Variants in BDH2 observed in about 807,000 individuals in gnomAD.
BDH2 encodes dehydrogenase/reductase SDR family member 6.
BDH2 carries 24 observed loss-of-function variants against 33.2 expected under a neutral mutation model. That is an observed-to-expected ratio of 0.72 (90% CI 0.52 to 1.02). The LOEUF (loss-of-function observed/expected upper bound fraction) is 1.02. BDH2 is among the 50% of genes least tolerant of loss of function. BDH2 has a pLI of 0.00. For missense variants in BDH2, 249 were observed against 301.6 expected (o/e 0.83, Z 1.29); for synonymous variants, 81 against 101.6 (o/e 0.80, Z 1.22).
At position 103,079,731 on chromosome 4, in the gene BDH2, C is replaced by G. The variant is rs1747416838; in HGVS notation, c.709G>C (p.Val237Leu). 9 of 1,613,984 alleles carry G rather than the reference C, an allele frequency of 5.6e-6. No homozygotes were observed. Among genetic ancestry groups the G allele is most frequent in the Middle Eastern group, 1.7e-4 (1 of 6,054 alleles). Reference sequence around the variant, plus strand: ...AAGCTCCAGCCTCCATCAATGATGACAGGGTTACCAGTTACATAAGCAGAC... The same window carrying G: ...AAGCTCCAGCCTCCATCAATGATGAGAGGGTTACCAGTTACATAAGCAGAC... ...DESAYVTGNP[V>L]IIDGGWSL Residue 237 changes from valine to leucine, a missense_variant, in exon 10 of 10, where the codon GTC becomes CTC. Transcript: ENST00000296424.
At chr4:103,081,168 T>C (rs1747507586) in intron 9 of BDH2, among the ~76,000 whole-genome samples, 1 of 152,212 alleles carries the variant, frequency 6.6e-6, no homozygotes. Context: ...TAAGCATCAT[T>C]TTTGCTTTCA....
At chr4:103,086,561 CAA>C (rs3832316) in intron 5 of BDH2, 21 bp from the exon 6 acceptor site, 4,863 of 1,308,404 alleles carry the variant, frequency 3.7e-3, no homozygotes, top group Admixed American at 6.4e-3. Flanking sequence ...AAAACAAATA[CAA>C]AAAAAAAAAA....
At chr4:103,097,892 A>C (rs1483725558) in intron 1 of BDH2, 1 of 152,192 alleles carries the variant, frequency 6.6e-6, no homozygotes, top group Non-Finnish European at 1.5e-5. Context: ...CCTTGCCTAA[A>C]GGGCTTATAT....
rs1385969422 is a variant in BDH2 at position 103,079,745 on chromosome 4, A to G, written c.695T>C (p.Val232Ala). ...VYLASDESAY[V>A]TGNPVIIDGG... ...ATCAATGATGACAGGGTTACCAGTT[A>G]CATAAGCAGACTGCAGTGATAAACA... The change falls in exon 10 of 10, where the codon GTA (valine) becomes GCA (alanine). Residue 232 changes from valine to alanine, a missense_variant. Physicochemically the swap from Val to Ala is moderately conservative, Grantham distance 64 (BLOSUM62 0). Transcript: ENST00000296424. 1.2e-6 allele frequency: 2 copies of G among 1,613,732 alleles called. No homozygotes were observed. Among genetic ancestry groups the G allele is most frequent in the Admixed American group, 3.3e-5 (2 of 60,028 alleles).
intron 1 of BDH2, among the ~76,000 whole-genome samples, chr4:103,096,847 T>G (rs1748434530): frequency 6.6e-6 from 1 of 152,106 alleles, no homozygotes; most frequent in South Asian, 2.1e-4. Flanking sequence ...AGCCCAGATA[T>G]TGCACTTTAA....
chr4:103,091,427 T>C, intron 4 of BDH2, 142 bp from the exon 5 acceptor site: 1 of 589,538 alleles, frequency 1.7e-6, no homozygotes, highest in South Asian at 2.1e-5. Context: ...ATAGTATCAC[T>C]TAGTATATTA....
intron 3 of BDH2, among the ~76,000 whole-genome samples, chr4:103,093,443 G>A (rs1218530844): frequency 6.6e-6 from 1 of 151,750 alleles, no homozygotes; most frequent in African/African-American, 2.4e-5. Flanking sequence ...CTGGCATGGC[G>A]GGCACCTGAG....
At chr4:103,085,544 C>G in intron 6 of BDH2, 82 bp from the exon 7 acceptor site, 1 of 1,439,690 alleles carries the variant, frequency 6.9e-7, no homozygotes, top group Non-Finnish European at 9.5e-7. Context: ...TAAGTTTTCC[C>G]AGTAGCCATT....
At chr4:103,093,151 T>C (rs973757503) in intron 3 of BDH2, among the ~76,000 whole-genome samples, 1 of 152,180 alleles carries the variant, frequency 6.6e-6, no homozygotes, top group African/African-American at 2.4e-5. Context: ...ATTCAAGATG[T>C]CCTTCCCCTA....
rs1416068362 is a variant in BDH2, at chr4:103,079,135, A to G, written c.*567T>C. ...GACATCCTAACCTGCAATATGATAC[A>G]TTAGGAGGTGGGGCCTTTGGGAGGT... On this transcript the variant is annotated 3_prime_UTR_variant, in exon 10 of 10. Coordinates refer to ENST00000296424, the MANE Select transcript of BDH2 (RefSeq NM_020139.4). Among the ~76,000 whole-genome samples the G allele has an allele frequency of 6.6e-6, 1 of 152,226 alleles. No homozygotes were observed. Among genetic ancestry groups the G allele is most frequent in the African/African-American group, 2.4e-5 (1 of 41,454 alleles).
chr4:103,091,374 T>A, intron 4 of BDH2, 89 bp from the exon 5 acceptor site: 1 of 773,492 alleles, frequency 1.3e-6, no homozygotes, highest in Non-Finnish European at 2.2e-6. Flanking sequence ...ACTTAGTGAC[T>A]TAGACCACTG....
At position 103,083,293 on chromosome 4, in the gene BDH2, A is replaced by C. The variant is rs1192604180; in HGVS notation, c.533-364T>G. ...TCCTCACAATAACCCTGAGATGTAG[A>C]TAAAATCGTACAAGCACTTTGCCAG... On this transcript the variant is annotated intron_variant, in intron 7 of 9. Transcript: ENST00000296424. 5.9e-5 allele frequency among the ~76,000 whole-genome samples: 9 copies of C among 152,322 alleles called. No individual in the cohort carries two copies. In the East Asian group the frequency reaches 1.7e-3, roughly 29 times the overall value.
intron 3 of BDH2, among the ~76,000 whole-genome samples, chr4:103,094,234 G>GAAATGAAATGTGCTGCAA (rs944835740): frequency 6.6e-6 from 1 of 152,180 alleles, no homozygotes; most frequent in African/African-American, 2.4e-5. Context: ...CAGCTAGTCT[G>GAAATGAAATGTGCTGCAA]AAATGAAATG....
intron 1 of BDH2, chr4:103,099,027 C>T (rs1308575348): frequency 1.3e-5 from 2 of 152,092 alleles, no homozygotes; most frequent in Non-Finnish European, 1.5e-5. Flanking sequence ...AAAAGATAAA[C>T]ATGGAATGTT....
At chr4:103,086,586 G>A in intron 5 of BDH2, 46 bp from the exon 6 acceptor site, 1 of 1,556,212 alleles carries the variant, frequency 6.4e-7, no homozygotes, top group Non-Finnish European at 8.7e-7. Flanking sequence ...CCACTTTGTG[G>A]GCTAAAATAC....
Position 103,082,127 on chromosome 4 carries a change from G to A in BDH2, c.638C>T (p.Thr213Ile). ...GCAGAGCATGGCTATTTCTTCTGCA[G>A]TTGCGAATCTTCCCGTCTTTTGTCT... ...LKRQKTGRFA[T>I]AEEIAMLCVY... The change falls in exon 9 of 10, where the codon ACT becomes ATT. Residue 213 changes from threonine to isoleucine, a missense_variant. Physicochemically the swap from Thr to Ile is moderately conservative, Grantham distance 89. Transcript: ENST00000296424. The A allele has an allele frequency of 6.2e-7, 1 of 1,614,192 alleles. No homozygotes were observed. Among genetic ancestry groups the A allele is most frequent in the Non-Finnish European group, 8.5e-7 (1 of 1,180,026 alleles).
chr4:103,089,611 AC>A (rs919041206), intron 5 of BDH2, among the ~76,000 whole-genome samples: 5 of 152,170 alleles, frequency 3.3e-5, no homozygotes, highest in African/African-American at 1.2e-4. Flanking sequence ...TGTACTCCAC[AC>A]CTACTTCCTT....
At chr4:103,087,727 C>A (rs72665037) in intron 5 of BDH2, among the ~76,000 whole-genome samples, 9,222 of 152,028 alleles carry the variant, frequency 0.061, 551 homozygotes, top group African/African-American at 0.15. Context: ...TGTCCTATAG[C>A]TAAATAAATA....
chr4:103,085,266 A>G (rs1434986588), intron 7 of BDH2, 83 bp downstream of exon 7: 4 of 1,023,568 alleles, frequency 3.9e-6, no homozygotes, highest in Non-Finnish European at 5.9e-6. Context: ...GCATGAAAAC[A>G]GCCATAGGCA....
Sources: gnomAD v4.1 joint callset for allele counts (sites outside exome capture counted in the v4.1 genomes callset) on GRCh38, gnomAD v4.1.1 for gene constraint, MANE v1.5 for transcripts, NCBI Gene and HGNC (gene_info 2026-07-23, HGNC 2026-07-21) for gene names.